The following AGPAT3 variants were observed in gnomAD, a reference collection of about 807,000 sequenced individuals.
AGPAT3 encodes 1-acyl-sn-glycerol-3-phosphate acyltransferase gamma.
AGPAT3 carries 5 observed loss-of-function variants against 47.3 expected under a neutral mutation model. The observed-to-expected ratio is 0.11, with a 90% CI of 0.06 to 0.22. AGPAT3 has a LOEUF of 0.22. Ranked by LOEUF, AGPAT3 falls within the 10% of genes least tolerant of loss-of-function variation. The probability of loss-of-function intolerance (pLI) is 1.00; values close to 1 mark genes in which losing one functional copy is unlikely to be tolerated. For synonymous variants in AGPAT3, 212 were observed against 208.3 expected (o/e 1.02, Z -0.15); for missense variants, 315 against 493.0 (o/e 0.64, Z 3.42).
chr21:43,976,800 G>A (rs1401618936), intron 7 of AGPAT3, among the ~76,000 whole-genome samples: 3 of 152,194 alleles, frequency 2.0e-5, no homozygotes, highest in African/African-American at 7.2e-5. Flanking sequence ...AGTGAAAACA[G>A]GTCACGCCTA....
chr21:43,875,517 C>T (rs1013067018), intron 1 of AGPAT3, among the ~76,000 whole-genome samples: 1 of 152,200 alleles, frequency 6.6e-6, no homozygotes, highest in Admixed American at 6.5e-5. Context: ...TTTTACCTTT[C>T]AGTCTTTTTA....
At chr21:43,906,433 T>A (rs2086496517) in intron 2 of AGPAT3, among the ~76,000 whole-genome samples, 1 of 152,028 alleles carries the variant, frequency 6.6e-6, no homozygotes, top group Admixed American at 6.6e-5. Context: ...CTAATAAACA[T>A]CTGAAAAGGC....
rs1291586072 is a variant in AGPAT3, at chr21:43,927,015, G to A, written c.-49+22996G>A. Among the ~76,000 whole-genome samples the A allele has an allele frequency of 2.0e-5, 3 of 146,802 alleles. No homozygotes were observed. The Admixed American group carries it at 2.0e-4, about 10-fold the overall frequency. The stretch of plus-strand genomic sequence containing the variant: ...AAAAAAAAAAAAGAGACAGGGTTTT[G>A]CCATGTTGCCTAGGCTAGTCTCAAA... On this transcript the variant is annotated intron_variant, in intron 2 of 9. Coordinates refer to ENST00000291572, the MANE Select transcript of AGPAT3 (RefSeq NM_020132.5).
At chr21:43,911,248 G>GGCAC (rs1414486483) in intron 2 of AGPAT3, among the ~76,000 whole-genome samples, 1 of 152,198 alleles carries the variant, frequency 6.6e-6, no homozygotes, top group Admixed American at 6.5e-5. Flanking sequence ...GATACCTGTA[G>GGCAC]GCACACACAC....
intron 4 of AGPAT3, 45 bp from the exon 5 acceptor site, chr21:43,969,073 G>C: frequency 1.2e-6 from 2 of 1,605,522 alleles, no homozygotes; most frequent in Non-Finnish European, 1.7e-6. Flanking sequence ...CCTGGCCTCT[G>C]TCCGACGCTG....
chr21:43,902,052 T>C (rs796179738), intron 1 of AGPAT3, among the ~76,000 whole-genome samples: 5 of 152,216 alleles, frequency 3.3e-5, no homozygotes, highest in African/African-American at 1.2e-4. Flanking sequence ...ATGAAACTCA[T>C]CCCGAAGAAG....
intron 2 of AGPAT3, among the ~76,000 whole-genome samples, chr21:43,909,536 T>C (rs1207106084): frequency 1.3e-5 from 2 of 152,238 alleles, no homozygotes; most frequent in African/African-American, 4.8e-5. Context: ...GACCTCGTGA[T>C]CCACCTGTCT....
chr21:43,939,720 G>T lies in AGPAT3; in HGVS notation c.-48-19914G>T, dbSNP rs1404027110. On this transcript the variant is annotated intron_variant, in intron 2 of 9. Transcript: ENST00000291572. The surrounding 1 kb of genome is among the most constrained non-coding windows in gnomAD (Gnocchi z 4.4). ...TTGCTAGCCCACGGCTGAGCACAGG[G>T]TAGACCTCACCAACTCACCCACAAC... Among the ~76,000 whole-genome samples the T allele has an allele frequency of 1.3e-5, 2 of 152,148 alleles. No homozygotes were observed. The highest frequency in any genetic ancestry group is 1.5e-5 in the Non-Finnish European group (1 of 68,010).
rs919500752 is a variant in AGPAT3, at chr21:43,986,419, C to T, written c.*4027C>T. 6.6e-6 allele frequency: 1 copy of T among 152,558 alleles called. No homozygotes were observed. 9.5% of individuals were successfully genotyped at this position (152,558 alleles called of 1,614,324 possible). A position where few individuals can be genotyped will look rare whatever the true frequency, so the allele number is the denominator to read the frequency against. On this transcript the variant is annotated 3_prime_UTR_variant, in exon 10 of 10. Transcript: ENST00000291572. Reference sequence around the variant, plus strand: ...TGTAATGACAATGTCACCTGGAGTTCGTCTCCATTTCTTAACTTTTTGTTG... The same window carrying T: ...TGTAATGACAATGTCACCTGGAGTTTGTCTCCATTTCTTAACTTTTTGTTG...
rs932663760 is a variant in AGPAT3, at chr21:43,922,007, C to G, written c.-49+17988C>G. Reference sequence around the variant, plus strand: ...TTCTTTTCCTGATTTCTCTGTCTCTCGATGCCATTTTTGTGAAGGTTTAGC... The same window carrying G: ...TTCTTTTCCTGATTTCTCTGTCTCTGGATGCCATTTTTGTGAAGGTTTAGC... On this transcript the variant is annotated intron_variant, in intron 2 of 9. Transcript: ENST00000291572. The surrounding 1 kb of genome is among the most constrained non-coding windows in gnomAD (Gnocchi z 4.9). 6.6e-6 allele frequency among the ~76,000 whole-genome samples: 1 copy of G among 152,110 alleles called. No homozygotes were observed. The highest frequency in any genetic ancestry group is 2.4e-5 in the African/African-American group (1 of 41,398).
chr21:43,923,301 C>T lies in AGPAT3; in HGVS notation c.-49+19282C>T, dbSNP rs933683766. On this transcript the variant is annotated intron_variant, in intron 2 of 9. Transcript: ENST00000291572. ...TGCACTCGGGGACCGGGCAACGCCT[C>T]GGGAAGCAGCCTGCGCTGATGTCAG... 4.6e-5 allele frequency among the ~76,000 whole-genome samples: 7 copies of T among 152,176 alleles called. No homozygotes were observed. The South Asian group carries it at 8.3e-4, about 18-fold the overall frequency.
intron 2 of AGPAT3, among the ~76,000 whole-genome samples, chr21:43,925,974 G>A (rs995092562): frequency 2.0e-5 from 3 of 152,270 alleles, no homozygotes; most frequent in East Asian, 1.9e-4. Context: ...CGAGGCCCAC[G>A]TGTGAGGCCC....
intron 2 of AGPAT3, among the ~76,000 whole-genome samples, chr21:43,942,934 C>T (rs1282654560): frequency 1.3e-5 from 2 of 152,236 alleles, no homozygotes; most frequent in African/African-American, 4.8e-5. Context: ...CCTCAGAGCC[C>T]CTTGCCTGTT....
intron 1 of AGPAT3, among the ~76,000 whole-genome samples, chr21:43,894,065 A>G (rs2086159974): frequency 6.6e-6 from 1 of 152,230 alleles, no homozygotes; most frequent in South Asian, 2.1e-4. Context: ...AGGCACAGTG[A>G]ACAAGCTTCC....
In AGPAT3 at chr21:43,943,581, A is replaced by T. The variant is rs188333991; in HGVS notation, c.-48-16053A>T. Among the ~76,000 whole-genome samples, 716 of 152,276 alleles carry T rather than the reference A, an allele frequency of 4.7e-3. 5 individuals are homozygous for T. Among genetic ancestry groups the T allele is most frequent in the African/African-American group, 0.016 (673 of 41,554 alleles). On this transcript the variant is annotated intron_variant, in intron 2 of 9. Transcript: ENST00000291572. ...TCAGGGGTCAGCAAGTTCCACATTCAGCTTCAGCTTTCGGCCATTCCTGCC... is the reference window on the plus strand; with the variant it reads ...TCAGGGGTCAGCAAGTTCCACATTCTGCTTCAGCTTTCGGCCATTCCTGCC...
intron 1 of AGPAT3, among the ~76,000 whole-genome samples, chr21:43,894,190 A>G (rs1320360868): frequency 1.3e-5 from 2 of 150,380 alleles, no homozygotes; most frequent in Non-Finnish European, 3.0e-5. Flanking sequence ...TGCACTGGGC[A>G]GGGGCCAGGT....
intron 2 of AGPAT3, among the ~76,000 whole-genome samples, chr21:43,917,713 C>G (rs1226483154): frequency 6.6e-6 from 1 of 151,786 alleles, no homozygotes; most frequent in Non-Finnish European, 1.5e-5. Flanking sequence ...CCGCATAACT[C>G]GTTTCGCTGC....
chr21:43,872,908 C>T (rs7283568), intron 1 of AGPAT3, among the ~76,000 whole-genome samples: 2,376 of 152,320 alleles, frequency 0.016, 65 homozygotes, highest in African/African-American at 0.055. Flanking sequence ...GACCCAAAAG[C>T]AAGGAGCTGG....
At chr21:43,873,232 T>TG (rs2085660146) in intron 1 of AGPAT3, among the ~76,000 whole-genome samples, 1 of 151,830 alleles carries the variant, frequency 6.6e-6, no homozygotes, top group South Asian at 2.1e-4. Flanking sequence ...CCAAATAAAA[T>TG]GAAAAATAAC....
Sources: gnomAD v4.1 joint callset for allele counts (sites outside exome capture counted in the v4.1 genomes callset) on GRCh38, gnomAD v4.1.1 for gene constraint, Gnocchi (gnomAD v3.1) non-coding constraint, MANE v1.5 for transcripts, NCBI Gene and HGNC (gene_info 2026-07-23, HGNC 2026-07-21) for gene names.